Variants in APBA2 observed in about 807,000 individuals in gnomAD.
APBA2 encodes amyloid beta precursor protein binding family A member 2.
A neutral mutation model predicts 75.0 loss-of-function variants in APBA2; 30 were observed. The observed-to-expected ratio is 0.40, with a 90% CI of 0.30 to 0.54. APBA2 has a LOEUF of 0.54. APBA2 is among the 20% of genes least tolerant of loss of function. APBA2 has a pLI of 0.49. For synonymous variants in APBA2, 444 were observed against 409.6 expected (o/e 1.08, Z -1.01); for missense variants, 801 against 1,016.1 (o/e 0.79, Z 2.88).
chr15:28,957,251 AT>A (rs2036220921), intron 2 of APBA2, among the ~76,000 whole-genome samples: 1 of 150,724 alleles, frequency 6.6e-6, no homozygotes, highest in East Asian at 2.0e-4. Context: ...TTTTTTAAGT[AT>A]TTTTAGTAGA....
intron 4 of APBA2, among the ~76,000 whole-genome samples, chr15:29,061,610 GC>G (rs2042132993): frequency 6.6e-6 from 1 of 152,246 alleles, no homozygotes; most frequent in African/African-American, 2.4e-5. Context: ...CACATCGAAT[GC>G]AGAATTGTGC....
intron 3 of APBA2, among the ~76,000 whole-genome samples, chr15:28,997,699 TAG>T: frequency 6.6e-6 from 1 of 152,310 alleles, no homozygotes; most frequent in Non-Finnish European, 1.5e-5. Context: ...TACATTCTGT[TAG>T]AGTCATAGGG....
At chr15:29,030,774 G>A (rs987032199) in intron 3 of APBA2, among the ~76,000 whole-genome samples, 12 of 150,200 alleles carry the variant, frequency 8.0e-5, no homozygotes, top group East Asian at 2.0e-4. Context: ...TAAAACCTCC[G>A]CCTTCTCTAT....
intron 1 of APBA2, among the ~76,000 whole-genome samples, chr15:28,890,276 G>A (rs2032043769): frequency 6.6e-6 from 1 of 152,196 alleles, no homozygotes; most frequent in African/African-American, 2.4e-5. Context: ...CAAAGAGTGA[G>A]CTTTCTGATT....
chr15:29,008,501 C>G (rs1218901989), intron 3 of APBA2, among the ~76,000 whole-genome samples: 1 of 152,056 alleles, frequency 6.6e-6, no homozygotes, highest in African/African-American at 2.4e-5. Context: ...ATGGCAGGAT[C>G]ACTTGAGTCC....
intron 4 of APBA2, 148 bp from the exon 5 acceptor site, chr15:29,074,772 TA>T: frequency 1.5e-6 from 1 of 666,522 alleles, no homozygotes; most frequent in Non-Finnish European, 2.7e-6. Context: ...GCAGTTTAAG[TA>T]TAATTAAATA....
intron 3 of APBA2, among the ~76,000 whole-genome samples, chr15:29,025,651 C>T (rs2040181367): frequency 6.6e-6 from 1 of 151,920 alleles, no homozygotes; most frequent in African/African-American, 2.4e-5. Context: ...GCCTTATGTA[C>T]AGAGATGGTC....
chr15:28,931,502 C>T (rs1481205969), intron 2 of APBA2, among the ~76,000 whole-genome samples: 2 of 152,212 alleles, frequency 1.3e-5, no homozygotes, highest in African/African-American at 4.8e-5. Flanking sequence ...TCACTGGGAC[C>T]TGGTGCTGTT....
chr15:29,058,394 C>G (rs1256078212), intron 4 of APBA2, among the ~76,000 whole-genome samples: 1 of 151,892 alleles, frequency 6.6e-6, no homozygotes, highest in Non-Finnish European at 1.5e-5. Flanking sequence ...ACCAGTAATC[C>G]CAGCTACTCA....
At chr15:29,053,378 G>A (rs2041699705) in intron 3 of APBA2, among the ~76,000 whole-genome samples, 1 of 152,164 alleles carries the variant, frequency 6.6e-6, no homozygotes, top group African/African-American at 2.4e-5. Context: ...GAAGGGGAAG[G>A]TACCCAAGAT....
rs1036951898 is a variant in APBA2, at chr15:29,058,736, T to C, written c.951+3901T>C. Among the ~76,000 whole-genome samples, 8 of 47,532 alleles carry C rather than the reference T, an allele frequency of 1.7e-4. No individual in the cohort carries two copies. The South Asian group carries it at 3.8e-3, about 23-fold the overall frequency. The allele number at this position is 47,532 out of a possible 152,430, so 31.2% of individuals were successfully genotyped here. A position where few individuals can be genotyped will look rare whatever the true frequency, so the allele number is the denominator to read the frequency against. On this transcript the variant is annotated intron_variant, in intron 4 of 14. Coordinates refer to ENST00000683413, the MANE Select transcript of APBA2 (RefSeq NM_001353788.2). ...GTTTCTAAAATTGTAGGAAGACAGG[T>C]TGGGGAACAGAGATCTACACTTGAA... is the stretch of plus-strand genomic sequence containing the variant.
At chr15:29,084,013 G>A (rs1037184433) in intron 6 of APBA2, among the ~76,000 whole-genome samples, 1 of 152,100 alleles carries the variant, frequency 6.6e-6, no homozygotes, top group African/African-American at 2.4e-5. Flanking sequence ...TATCTTGTTT[G>A]TCTGTTTCTT....
chr15:28,976,142 C>T (rs2037324452), intron 2 of APBA2, among the ~76,000 whole-genome samples: 1 of 152,172 alleles, frequency 6.6e-6, no homozygotes, highest in South Asian at 2.1e-4. Flanking sequence ...GAAATTTTGG[C>T]TACTGTCCCA....
At chr15:29,092,541 G>A (rs1034735737) in intron 6 of APBA2, among the ~76,000 whole-genome samples, 1 of 152,102 alleles carries the variant, frequency 6.6e-6, no homozygotes, top group Non-Finnish European at 1.5e-5. Context: ...TGGTCTAGGG[G>A]CAGCAGATGG....
At chr15:29,087,335 G>C (rs2043333869) in intron 6 of APBA2, among the ~76,000 whole-genome samples, 1 of 152,046 alleles carries the variant, frequency 6.6e-6, no homozygotes, top group African/African-American at 2.4e-5. Flanking sequence ...ATCTGTCTTG[G>C]GCAACTCTGT....
At chr15:29,081,766 G>C (rs1241191548) in intron 6 of APBA2, among the ~76,000 whole-genome samples, 1 of 152,294 alleles carries the variant, frequency 6.6e-6, no homozygotes, top group African/African-American at 2.4e-5. Context: ...GATCGGTTGA[G>C]TGGATGTGGG....
chr15:29,106,795 C>G lies in APBA2; in HGVS notation c.1893C>G (p.Leu631=), dbSNP rs200747314. The change falls in exon 12 of 15, where the codon CTC becomes CTG. Residue 631 remains leucine, a synonymous_variant. Transcript: ENST00000683413. Reference sequence around the variant, plus strand: ...GCACCAGCCTGGTGGGGCTGCCCCTCGCCACCTGCCAAGGCATCATCAAGG... The same window carrying G: ...GCACCAGCCTGGTGGGGCTGCCCCTGGCCACCTGCCAAGGCATCATCAAGG... ...INGTSLVGLP[L]ATCQGIIKGL... 1 of 1,612,908 alleles carries G rather than the reference C, an allele frequency of 6.2e-7. No individual in the cohort carries two copies. The highest frequency in any genetic ancestry group is 8.5e-7 in the Non-Finnish European group (1 of 1,179,872).
chr15:28,911,570 A>G (rs1001040203), intron 1 of APBA2, among the ~76,000 whole-genome samples: 3 of 152,168 alleles, frequency 2.0e-5, no homozygotes, highest in African/African-American at 7.2e-5. Flanking sequence ...GGAGCTGAGC[A>G]TGTGTTCTTT....
intron 2 of APBA2, among the ~76,000 whole-genome samples, chr15:28,978,527 G>A (rs931866490): frequency 6.6e-5 from 10 of 152,226 alleles, no homozygotes; most frequent in African/African-American, 2.2e-4. Context: ...CTGCTGGGCT[G>A]TGCAGCCCAT....
Sources: allele counts gnomAD v4.1 joint callset (sites outside exome capture counted in the v4.1 genomes callset), GRCh38; gene constraint gnomAD v4.1.1; transcripts MANE v1.5; gene names NCBI Gene and HGNC (gene_info 2026-07-23, HGNC 2026-07-21).